PTPN12: variants seen among roughly 807,000 people sequenced by gnomAD.
PTPN12 encodes tyrosine-protein phosphatase non-receptor type 12.
In PTPN12, 29 loss-of-function variants were observed where a neutral mutation model predicts 97.6. The ratio of observed to expected loss-of-function variants is 0.30; its 90% CI spans 0.22 to 0.41. The LOEUF is 0.41. Ranked by LOEUF, PTPN12 falls within the 10% of genes least tolerant of loss-of-function variation. The probability of loss-of-function intolerance (pLI) is 1.00; values close to 1 mark genes in which losing one functional copy is unlikely to be tolerated. For synonymous variants in PTPN12, 327 were observed against 300.4 expected (o/e 1.09, Z -0.91); for missense variants, 819 against 926.0 (o/e 0.88, Z 1.50).
chr7:77,618,422 A>C (rs987257451), intron 11 of PTPN12, 58 bp from the exon 12 acceptor site: 2 of 1,163,440 alleles, frequency 1.7e-6, no homozygotes, highest in Middle Eastern at 2.0e-4. Flanking sequence ...TAGTTGAAAC[A>C]TGAAGAGGAA....
In PTPN12 at chr7:77,600,768, T is replaced by C. The variant is rs777760555; in HGVS notation, c.657T>C (p.Tyr219=). The part of the protein sequence containing the change: ...ILDMISLMRK[Y]QEHEDVPICI... ...ACATGATAAGCTTAATGAGGAAATA[T>C]CAAGAACATGAAGATGTTCCTATTT... Residue 219 remains tyrosine (Y), a synonymous_variant, in exon 8 of 18, where the codon TAT becomes TAC. Coordinates refer to ENST00000248594, the MANE Select transcript of PTPN12 (RefSeq NM_002835.4). 9.3e-6 allele frequency: 15 copies of C among 1,608,364 alleles called. No homozygotes were observed. The East Asian group carries it at 1.8e-4, about 19-fold the overall frequency.
At chr7:77,579,076 CAG>C (rs1445867108) in intron 2 of PTPN12, among the ~76,000 whole-genome samples, 1 of 152,074 alleles carries the variant, frequency 6.6e-6, no homozygotes, top group Non-Finnish European at 1.5e-5. Context: ...AAAAATCAAT[CAG>C]AGAAACTTTT....
chr7:77,566,186 G>C (rs1808248245), intron 1 of PTPN12, among the ~76,000 whole-genome samples: 1 of 152,164 alleles, frequency 6.6e-6, no homozygotes, highest in Non-Finnish European at 1.5e-5. Context: ...TCATAGTGGT[G>C]GTGAGTAATT....
chr7:77,570,417 T>A (rs1047513850), intron 1 of PTPN12, among the ~76,000 whole-genome samples: 5 of 152,222 alleles, frequency 3.3e-5, no homozygotes, highest in Admixed American at 6.5e-5. Flanking sequence ...TGTGTAGAAT[T>A]TGAACAATTC....
chr7:77,541,978 G>C (rs1402943756), intron 1 of PTPN12, among the ~76,000 whole-genome samples: 2 of 149,168 alleles, frequency 1.3e-5, no homozygotes, highest in Non-Finnish European at 3.0e-5. Context: ...TATAAAGTAG[G>C]GTGGTGCACA....
chr7:77,544,092 T>G (rs1807112582), intron 1 of PTPN12, among the ~76,000 whole-genome samples: 1 of 152,214 alleles, frequency 6.6e-6, no homozygotes, highest in Admixed American at 6.5e-5. Flanking sequence ...ACTGCCAGAC[T>G]GTTATCCAAA....
At chr7:77,557,125 CTT>C (rs1807757673) in intron 1 of PTPN12, among the ~76,000 whole-genome samples, 1 of 152,068 alleles carries the variant, frequency 6.6e-6, no homozygotes, top group Admixed American at 6.5e-5. Context: ...TGCAACCACA[CTT>C]ATCTATTTTT....
intron 2 of PTPN12, 126 bp downstream of exon 2, chr7:77,571,312 A>C (rs999216965): frequency 3.3e-6 from 2 of 606,172 alleles, no homozygotes; most frequent in Non-Finnish European, 5.7e-6. Context: ...TTCAAAGTAC[A>C]TGGAAAGATA....
chr7:77,631,350 T>G (rs1280544669), intron 13 of PTPN12, among the ~76,000 whole-genome samples: 22 of 152,178 alleles, frequency 1.4e-4, no homozygotes. Context: ...ACCTCATGCG[T>G]GTTGAAAATT....
intron 1 of PTPN12, among the ~76,000 whole-genome samples, chr7:77,570,276 T>C (rs1402120804): frequency 6.6e-6 from 1 of 152,246 alleles, no homozygotes; most frequent in Non-Finnish European, 1.5e-5. Flanking sequence ...ATGAGAAAGT[T>C]AAATTTTATC....
intron 1 of PTPN12, 109 bp downstream of exon 1, chr7:77,537,754 G>A: frequency 8.3e-7 from 1 of 1,199,676 alleles, no homozygotes; most frequent in Non-Finnish European, 1.1e-6. Context: ...GAGAGGGGCG[G>A]AGGGGGCGCG....
intron 5 of PTPN12, among the ~76,000 whole-genome samples, chr7:77,591,488 C>T (rs981419629): frequency 6.6e-6 from 1 of 152,012 alleles, no homozygotes; most frequent in Non-Finnish European, 1.5e-5. Context: ...TTTTCTATAC[C>T]TGTTTAAAAT....
intron 1 of PTPN12, among the ~76,000 whole-genome samples, chr7:77,565,782 C>T (rs1309551647): frequency 6.6e-6 from 1 of 152,112 alleles, no homozygotes; most frequent in African/African-American, 2.4e-5. Context: ...ATATTAAACT[C>T]GAATTTTGTT....
chr7:77,537,648 G>A lies in PTPN12; in HGVS notation c.99+3G>A. 6.3e-7 allele frequency: 1 copy of A among 1,591,708 alleles called. No homozygotes were observed. The highest frequency in any genetic ancestry group is 1.1e-5 in the South Asian group (1 of 87,596). On this transcript the variant is annotated splice_donor_region_variant and intron_variant, in intron 1 of 17. Coordinates refer to ENST00000248594, the MANE Select transcript of PTPN12 (RefSeq NM_002835.4). ...ACAACTTCGCCCGGGACTTCATGGTGAGTCTCTCCCCTCGCTGTCGCGTTT... is the reference window on the plus strand; with the variant it reads ...ACAACTTCGCCCGGGACTTCATGGTAAGTCTCTCCCCTCGCTGTCGCGTTT...
rs752161442 is a variant in PTPN12, at chr7:77,585,594, T to C, written c.420+13T>C. 29 of 1,580,034 alleles carry C rather than the reference T, an allele frequency of 1.8e-5. No individual in the cohort carries two copies. The highest frequency in any genetic ancestry group is 2.4e-5 in the Non-Finnish European group (28 of 1,150,326). On this transcript the variant is annotated intron_variant, in intron 5 of 17. Coordinates refer to ENST00000248594, the MANE Select transcript of PTPN12 (RefSeq NM_002835.4). ...TGAGATGGGAAGGGTATGTATAATC[T>C]ATTCCTCTTACTATTTCATTTTTAC...
chr7:77,623,763 A>T (rs2151389784), intron 12 of PTPN12, among the ~76,000 whole-genome samples: 1 of 152,338 alleles, frequency 6.6e-6, no homozygotes, highest in African/African-American at 2.4e-5. Flanking sequence ...TGGTCTCACC[A>T]TGTACACGTA....
intron 11 of PTPN12, among the ~76,000 whole-genome samples, chr7:77,616,960 G>A (rs1788773065): frequency 6.6e-6 from 1 of 151,918 alleles, no homozygotes; most frequent in Non-Finnish European, 1.5e-5. Flanking sequence ...TTTTTGTATT[G>A]TAGTAGAGAC....
At position 77,627,179 on chromosome 7, in the gene PTPN12, A is replaced by T; in HGVS notation, c.1500A>T (p.Val500=). 1 of 1,614,192 alleles carries T rather than the reference A, an allele frequency of 6.2e-7. No homozygotes were observed. Among genetic ancestry groups the T allele is most frequent in the Non-Finnish European group, 8.5e-7 (1 of 1,180,022 alleles). The change falls in exon 13 of 18, where the codon GTA becomes GTT. Residue 500 remains valine, a synonymous_variant. Coordinates refer to ENST00000248594, the MANE Select transcript of PTPN12 (RefSeq NM_002835.4). ...AGAATTCTTGTGTGGACTGCAGTGTAACACAATCAAACAAAGTTTCAGTTA... is the reference window on the plus strand; with the variant it reads ...AGAATTCTTGTGTGGACTGCAGTGTTACACAATCAAACAAAGTTTCAGTTA... The part of the protein sequence containing the change: ...TSQNSCVDCS[V]TQSNKVSVTP...
At chr7:77,580,155 A>G (rs965261333) in intron 2 of PTPN12, among the ~76,000 whole-genome samples, 36 of 152,208 alleles carry the variant, frequency 2.4e-4, no homozygotes, top group African/African-American at 8.4e-4. Context: ...TCTCTGTTAC[A>G]CTAAAAAGAG....
Sources: gnomAD v4.1 joint callset for allele counts (sites outside exome capture counted in the v4.1 genomes callset) on GRCh38, gnomAD v4.1.1 for gene constraint, MANE v1.5 for transcripts, NCBI Gene and HGNC (gene_info 2026-07-23, HGNC 2026-07-21) for gene names.